Variants in ESYT3 observed in about 807,000 individuals in gnomAD.
ESYT3 encodes the protein extended synaptotagmin 3, also known as extended synaptotagmin-3.
In ESYT3, 101 loss-of-function variants were observed where a neutral mutation model predicts 111.5. The ratio of observed to expected loss-of-function variants is 0.91; its 90% CI spans 0.77 to 1.07. The LOEUF (loss-of-function observed/expected upper bound fraction) is 1.07, where lower values mean the gene tolerates loss of function less well. ESYT3 is among the 50% of genes least tolerant of loss of function. ESYT3 has a pLI of 0.00. For synonymous variants in ESYT3, 416 were observed against 446.8 expected, an observed-to-expected ratio of 0.93 and a Z score of 0.87; for missense variants, 1,097 against 1,109.4, an observed-to-expected ratio of 0.99 and a Z score of 0.16.
At chr3:138,452,185 A>G (rs2031984583) in intron 2 of ESYT3, 96 bp downstream of exon 2, 3 of 1,264,108 alleles carry the variant, frequency 2.4e-6, no homozygotes, top group Non-Finnish European at 2.2e-6. Flanking sequence ...GCCTCGCGGC[A>G]ATTTCCTTGC....
Position 138,476,964 on chromosome 3 carries a change from G to GAACA in ESYT3, c.*112_*115dup. On this transcript the variant is annotated 3_prime_UTR_variant, in exon 23 of 23. Coordinates refer to ENST00000389567, the MANE Select transcript of ESYT3 (RefSeq NM_031913.5). ...TATGTATATTTTGTCATTTAAATCA[G>GAACA]AACAACCACTTGAAATTATATACAT... 1.3e-6 allele frequency: 1 copy of GAACA among 762,154 alleles called. No homozygotes were observed. 47.2% of individuals were successfully genotyped at this position (762,154 alleles called of 1,614,324 possible).
chr3:138,470,933 G>T lies in ESYT3; in HGVS notation c.1647G>T (p.Gln549His). The change falls in exon 17 of 23, where the codon CAG (glutamine) becomes CAT (histidine). Residue 549 changes from glutamine (Q) to histidine (H), a missense_variant. Gln to His is a conservative substitution (Grantham distance 24). Transcript: ENST00000389567. ...ALGMLEVPLC[Q>H]ILPYADLTLE... Reference sequence around the variant, plus strand: ...GAATGCTGGAGGTCCCCCTGTGCCAGATCCTCCCCTATGCTGACCTCACTC... The same window carrying T: ...GAATGCTGGAGGTCCCCCTGTGCCATATCCTCCCCTATGCTGACCTCACTC... 1.2e-6 allele frequency: 2 copies of T among 1,614,172 alleles called. No individual in the cohort carries two copies. Among genetic ancestry groups the T allele is most frequent in the Non-Finnish European group, 1.7e-6 (2 of 1,180,026 alleles).
At chr3:138,453,447 A>G (rs751832397) in intron 2 of ESYT3, among the ~76,000 whole-genome samples, 11 of 152,190 alleles carry the variant, frequency 7.2e-5, no homozygotes, top group Non-Finnish European at 1.2e-4. Context: ...AGACAGGAAG[A>G]TGAGACCAGA....
chr3:138,448,948 T>C (rs774361284), intron 1 of ESYT3, among the ~76,000 whole-genome samples: 2 of 152,042 alleles, frequency 1.3e-5, no homozygotes, highest in African/African-American at 2.4e-5. Context: ...GCTTTCTTCA[T>C]GGGGTTCAGA....
intron 1 of ESYT3, among the ~76,000 whole-genome samples, chr3:138,451,344 G>A (rs1009715093): frequency 7.2e-5 from 11 of 152,168 alleles, no homozygotes; most frequent in East Asian, 5.8e-4. Context: ...TGGGAGGGGC[G>A]CCCCACAGCA....
At chr3:138,467,755 G>C (rs2033004285) in intron 11 of ESYT3, 146 bp downstream of exon 11, 1 of 732,966 alleles carries the variant, frequency 1.4e-6, no homozygotes, top group African/African-American at 1.8e-5. Context: ...AGCTGGGTGA[G>C]GCACAGATGG....
At position 138,440,261 on chromosome 3, in the gene ESYT3, C is replaced by T. The variant is rs571927297; in HGVS notation, c.327+5136C>T. ...ACACAAAGCGATGGGCATTCTGAGG[C>T]GCAGAGCAGTGGTCCCTGGGATTGC... On this transcript the variant is annotated intron_variant, in intron 1 of 22. Coordinates refer to ENST00000389567, the MANE Select transcript of ESYT3 (RefSeq NM_031913.5). The surrounding 1 kb of genome is among the most constrained non-coding windows in gnomAD (Gnocchi z 4.2). Among the ~76,000 whole-genome samples the T allele has an allele frequency of 1.3e-5, 2 of 152,330 alleles. No homozygotes were observed. The highest frequency in any genetic ancestry group is 2.1e-4 in the South Asian group (1 of 4,828).
At chr3:138,454,511 C>T (rs1006028068) in intron 2 of ESYT3, among the ~76,000 whole-genome samples, 6 of 152,110 alleles carry the variant, frequency 3.9e-5, no homozygotes, top group Admixed American at 1.3e-4. Flanking sequence ...GAGCCGAGGT[C>T]GTGCCATTGC....
intron 1 of ESYT3, among the ~76,000 whole-genome samples, chr3:138,438,669 G>C (rs2030911262): frequency 6.6e-6 from 1 of 152,194 alleles, no homozygotes; most frequent in African/African-American, 2.4e-5. Context: ...GACTGAACCT[G>C]TTTCCCCACC....
chr3:138,471,138 T>C (rs911814521), intron 17 of ESYT3, 112 bp downstream of exon 17: 1 of 830,440 alleles, frequency 1.2e-6, no homozygotes, highest in South Asian at 1.6e-5. Flanking sequence ...AGCCAGGAGA[T>C]GGATTCATGT....
chr3:138,474,319 A>C lies in ESYT3; in HGVS notation c.2435A>C (p.Lys812Thr). 1 of 1,603,528 alleles carries C rather than the reference A, an allele frequency of 6.2e-7. No homozygotes were observed. Among genetic ancestry groups the C allele is most frequent in the Non-Finnish European group, 8.5e-7 (1 of 1,177,414 alleles). The change falls in exon 20 of 23, where the codon AAG becomes ACG. Residue 812 changes from lysine to threonine, a missense_variant. Transcript: ENST00000389567. ...KWACRKKTSV[K>T]RKTLEPLFDE... ...GCATGTCGTAAGAAGACTTCAGTGAAGCGGAAGACCTTGGAACCCCTGTTT... is the reference window on the plus strand; with the variant it reads ...GCATGTCGTAAGAAGACTTCAGTGACGCGGAAGACCTTGGAACCCCTGTTT...
At chr3:138,470,211 C>G in intron 16 of ESYT3, 65 bp downstream of exon 16, 5 of 1,557,998 alleles carry the variant, frequency 3.2e-6, no homozygotes. Context: ...GGCTGGGAAG[C>G]TTGAAGTGCA....
At position 138,476,978 on chromosome 3, in the gene ESYT3, AATT is replaced by A; in HGVS notation, c.*127_*129del. On this transcript the variant is annotated 3_prime_UTR_variant, in exon 23 of 23. Coordinates refer to ENST00000389567, the MANE Select transcript of ESYT3 (RefSeq NM_031913.5). ...CATTTAAATCAGAACAACCACTTGA[AATT>A]ATATACATACAATTCTTGTGTGGAA... 1.6e-6 allele frequency: 1 copy of A among 615,988 alleles called. No homozygotes were observed. Among genetic ancestry groups the A allele is most frequent in the Non-Finnish European group, 2.7e-6 (1 of 373,028 alleles). The allele number at this position is 615,988 out of a possible 1,614,324, so 38.2% of individuals were successfully genotyped here.
chr3:138,474,101 T>G (rs552599965), intron 19 of ESYT3, 120 bp from the exon 20 acceptor site: 23 of 1,331,432 alleles, frequency 1.7e-5, no homozygotes, highest in Non-Finnish European at 2.4e-5. Context: ...ATGGCTAATA[T>G]AGCCTTCTCT....
intron 20 of ESYT3, 85 bp downstream of exon 20, chr3:138,474,437 G>T: frequency 1.4e-6 from 2 of 1,454,316 alleles, no homozygotes; most frequent in African/African-American, 1.4e-5. Flanking sequence ...CAGCCTGCCA[G>T]ATGCTGGAAG....
At chr3:138,476,177 A>G in intron 20 of ESYT3, 46 bp from the exon 21 acceptor site, 1 of 1,273,582 alleles carries the variant, frequency 7.9e-7, no homozygotes, top group South Asian at 1.2e-5. Flanking sequence ...TTTTCAAGAA[A>G]ACTGAATGAA....
intron 4 of ESYT3, among the ~76,000 whole-genome samples, chr3:138,458,003 C>T (rs1302845568): frequency 6.6e-6 from 1 of 152,152 alleles, no homozygotes; most frequent in East Asian, 1.9e-4. Context: ...TCTGCGGCAC[C>T]TCAGGAAAAT....
At chr3:138,454,771 G>A (rs970263857) in intron 2 of ESYT3, among the ~76,000 whole-genome samples, 1 of 152,158 alleles carries the variant, frequency 6.6e-6, no homozygotes, top group Non-Finnish European at 1.5e-5. Flanking sequence ...GCTAGAAAAT[G>A]AAATCCACAG....
chr3:138,447,484 T>C (rs186774732), intron 1 of ESYT3, among the ~76,000 whole-genome samples: 41 of 152,318 alleles, frequency 2.7e-4, no homozygotes, highest in African/African-American at 9.4e-4. Context: ...TAGCAATTTA[T>C]TGTGTCAAAA....
Sources: gnomAD v4.1 joint callset for allele counts (sites outside exome capture counted in the v4.1 genomes callset) on GRCh38, gnomAD v4.1.1 for gene constraint, Gnocchi (gnomAD v3.1) non-coding constraint, MANE v1.5 for transcripts, NCBI Gene and HGNC (gene_info 2026-07-23, HGNC 2026-07-21) for gene names.